The following PDZD2 variants were observed in gnomAD, a reference collection of about 807,000 sequenced individuals.
PDZD2 encodes PDZ domain-containing protein 2.
PDZD2 carries 90 observed loss-of-function variants against 220.7 expected under a neutral mutation model. The ratio of observed to expected loss-of-function variants is 0.41; its 90% confidence interval spans 0.34 to 0.49. The LOEUF is 0.49. PDZD2 is among the 20% of genes least tolerant of loss of function. PDZD2 has a pLI of 0.28. For missense variants in PDZD2, 3,174 were observed against 3,608.5 expected (o/e 0.88, Z 3.08); for synonymous variants, 1,375 against 1,450.5 (o/e 0.95, Z 1.18).
chr5:31,825,791 C>A lies in PDZD2; in HGVS notation c.476+26067C>A, dbSNP rs143467003. Among the ~76,000 whole-genome samples, 1,208 of 152,296 alleles carry A rather than the reference C, an allele frequency of 7.9e-3. 17 individuals carry two copies. Among genetic ancestry groups the A allele is most frequent in the African/African-American group, 0.026 (1,095 of 41,564 alleles). On this transcript the variant is annotated intron_variant, in intron 2 of 24. Coordinates refer to ENST00000438447, the MANE Select transcript of PDZD2 (RefSeq NM_178140.4). ...GTTACCATTTCCTGAGTACCAACAA[C>A]ATGCTAACCACGGTGCTGCTTGCTT...
chr5:31,817,179 C>G (rs1755516271), intron 2 of PDZD2, among the ~76,000 whole-genome samples: 2 of 104,096 alleles, frequency 1.9e-5, no homozygotes. Context: ...GAGTGAGACT[C>G]CGTCTCAAAA....
chr5:31,975,599 T>G (rs1255997401), intron 2 of PDZD2, among the ~76,000 whole-genome samples: 1 of 152,146 alleles, frequency 6.6e-6, no homozygotes, highest in Non-Finnish European at 1.5e-5. Context: ...TGGTAGTGAC[T>G]TCCTCAGTCT....
At position 32,082,798 on chromosome 5, in the gene PDZD2, C is replaced by T. The variant is rs182359253; in HGVS notation, c.3683-4333C>T. On this transcript the variant is annotated intron_variant, in intron 19 of 24. Coordinates refer to ENST00000438447, the MANE Select transcript of PDZD2 (RefSeq NM_178140.4). ...CTTTAGAAACACAGGAGCAAATGGC[C>T]GACCAAGATGTGTTGATTGTGAGGT... Among the ~76,000 whole-genome samples, 3 of 152,178 alleles carry T rather than the reference C, an allele frequency of 2.0e-5. No homozygotes were observed. In the East Asian group the frequency reaches 5.8e-4, roughly 29 times the overall value.
At chr5:32,034,756 T>C (rs1755402975) in intron 6 of PDZD2, among the ~76,000 whole-genome samples, 1 of 152,076 alleles carries the variant, frequency 6.6e-6, no homozygotes, top group Non-Finnish European at 1.5e-5. Context: ...AGTTTTTAAG[T>C]CAAGCAAAGG....
At chr5:31,721,960 G>T (rs1748828274) in intron 1 of PDZD2, among the ~76,000 whole-genome samples, 1 of 151,842 alleles carries the variant, frequency 6.6e-6, no homozygotes, top group South Asian at 2.1e-4. Context: ...CAGACACATA[G>T]CCCAGCCTTC....
intron 21 of PDZD2, among the ~76,000 whole-genome samples, chr5:32,095,968 C>T (rs537588730): frequency 2.0e-5 from 3 of 148,726 alleles, no homozygotes; most frequent in African/African-American, 7.5e-5. Context: ...TGGGCTCCAT[C>T]TCCTGACCAT....
At chr5:31,878,803 C>T (rs1290720373) in intron 2 of PDZD2, among the ~76,000 whole-genome samples, 3 of 151,394 alleles carry the variant, frequency 2.0e-5, no homozygotes, top group Non-Finnish European at 4.4e-5. Flanking sequence ...CTTCGTGATC[C>T]GCCTGCCTCG....
chr5:31,719,991 A>C (rs1748691665), intron 1 of PDZD2, among the ~76,000 whole-genome samples: 1 of 152,266 alleles, frequency 6.6e-6, no homozygotes, highest in Admixed American at 6.5e-5. Flanking sequence ...CAGCCAGTCC[A>C]GGCAATGCGC....
rs3222598 is a variant in PDZD2 at position 31,730,592 on chromosome 5, G to GTGTGTGTGTGGT, written c.-360-68297_-360-68296insTGTGTGTGTGGT. On this transcript the variant is annotated intron_variant, in intron 1 of 24. Transcript: ENST00000438447. The stretch of plus-strand genomic sequence containing the variant: ...TGTGTGTGTGTGTGTGTGTGTGTGT[G>GTGTGTGTGTGGT]GTGTGTGTGTGTGTGTGTAAGGGAG... Among the ~76,000 whole-genome samples, 7 of 121,244 alleles carry GTGTGTGTGTGGT rather than the reference G, an allele frequency of 5.8e-5. No homozygotes were observed. The South Asian group carries it at 8.5e-4, about 15-fold the overall frequency. 79.5% of individuals were successfully genotyped at this position (121,244 alleles called of 152,430 possible). A position where few individuals can be genotyped will look rare whatever the true frequency, so the allele number is the denominator to read the frequency against.
At chr5:32,059,415 C>T (rs1739466908) in intron 13 of PDZD2, 59 bp downstream of exon 13, 2 of 835,752 alleles carry the variant, frequency 2.4e-6, no homozygotes, top group East Asian at 2.6e-5. Context: ...GAAATATACA[C>T]GTGTGATATT....
At chr5:31,855,549 C>A (rs1026468591) in intron 2 of PDZD2, among the ~76,000 whole-genome samples, 2 of 152,198 alleles carry the variant, frequency 1.3e-5, no homozygotes, top group African/African-American at 4.8e-5. Context: ...GTTGAAGCCC[C>A]GGTAGGGGCG....
At position 32,087,880 on chromosome 5, in the gene PDZD2, G is replaced by A; in HGVS notation, c.4432G>A (p.Gly1478Ser). 2 of 1,612,672 alleles carry A rather than the reference G, an allele frequency of 1.2e-6. No homozygotes were observed. Among genetic ancestry groups the A allele is most frequent in the Non-Finnish European group, 1.7e-6 (2 of 1,179,556 alleles). ...SSCRAEPVPG[G>S]QTSSPRRAWA... ...CTGCCGTGCCGAACCAGTCCCGGGGGGCCAGACCTCCTCCCCGAGGAGGGC... is the reference window on the plus strand; with the variant it reads ...CTGCCGTGCCGAACCAGTCCCGGGGAGCCAGACCTCCTCCCCGAGGAGGGC... The change falls in exon 20 of 25, where the codon GGC becomes AGC. Residue 1478 changes from glycine (G) to serine (S), a missense_variant. Around this residue, in one of 4 missense-constraint regions of PDZD2, gnomAD observed 1,861 missense variants for 2,001.0 expected, o/e 0.93. Transcript: ENST00000438447. The surrounding 1 kb of genome is among the most constrained non-coding windows in gnomAD (Gnocchi z 4.0).
rs73061789 is a variant in PDZD2 at position 32,108,785 on chromosome 5, G to T, written c.*650G>T. On this transcript the variant is annotated 3_prime_UTR_variant, in exon 25 of 25. Coordinates refer to ENST00000438447, the MANE Select transcript of PDZD2 (RefSeq NM_178140.4). The stretch of plus-strand genomic sequence containing the variant: ...TTAGTGAGTGTAATGTATAATGTAC[G>T]TATGCAAAGTTCAACTCAATAGGTT... 4 of 152,652 alleles carry T rather than the reference G, an allele frequency of 2.6e-5. No individual in the cohort carries two copies. In the East Asian group the frequency reaches 7.7e-4, roughly 29 times the overall value. 9.5% of individuals were successfully genotyped at this position (152,652 alleles called of 1,614,324 possible). A position where few individuals can be genotyped will look rare whatever the true frequency, so the allele number is the denominator to read the frequency against.
intron 1 of PDZD2, among the ~76,000 whole-genome samples, chr5:31,699,697 G>C (rs1342003362): frequency 6.6e-6 from 1 of 151,994 alleles, no homozygotes; most frequent in Admixed American, 6.6e-5. Context: ...TCCACCTCCC[G>C]GGTTCAAGCA....
At chr5:31,751,662 G>A (rs980731388) in intron 1 of PDZD2, among the ~76,000 whole-genome samples, 1 of 152,186 alleles carries the variant, frequency 6.6e-6, no homozygotes, top group African/African-American at 2.4e-5. Flanking sequence ...CCCAGCTGGT[G>A]CTGCATTAAA....
chr5:31,982,496 C>G (rs747187976), intron 2 of PDZD2, among the ~76,000 whole-genome samples: 1 of 152,096 alleles, frequency 6.6e-6, no homozygotes, highest in African/African-American at 2.4e-5. Context: ...TTAATAGAGA[C>G]GGGGTTTCGC....
intron 1 of PDZD2, among the ~76,000 whole-genome samples, chr5:31,703,585 G>A (rs1468747966): frequency 6.6e-6 from 1 of 152,096 alleles, no homozygotes; most frequent in African/African-American, 2.4e-5. Context: ...GCACATGCAT[G>A]CCGATGTAAT....
At chr5:31,914,064 C>T (rs974096662) in intron 2 of PDZD2, among the ~76,000 whole-genome samples, 2 of 152,154 alleles carry the variant, frequency 1.3e-5, no homozygotes, top group Admixed American at 6.5e-5. Flanking sequence ...CTACAGTGTG[C>T]CCCAATGAAC....
chr5:31,672,115 C>T (rs1326299267), intron 1 of PDZD2, among the ~76,000 whole-genome samples: 1 of 152,166 alleles, frequency 6.6e-6, no homozygotes, highest in Non-Finnish European at 1.5e-5. Flanking sequence ...TGTCTCCAGA[C>T]ATTGCCAGGC....
Sources: allele counts gnomAD v4.1 joint callset (sites outside exome capture counted in the v4.1 genomes callset), GRCh38; gene constraint gnomAD v4.1.1; regional missense constraint gnomAD v4.1.1; non-coding constraint Gnocchi (gnomAD v3.1); transcripts MANE v1.5; gene names NCBI Gene and HGNC (gene_info 2026-07-23, HGNC 2026-07-21).